CNTNAP5: variants seen among roughly 807,000 people sequenced by gnomAD.
The protein encoded by CNTNAP5 is contactin-associated protein-like 5.
CNTNAP5 carries 72 observed loss-of-function variants against 150.2 expected under a neutral mutation model. That is an observed-to-expected ratio of 0.48 (90% CI 0.40 to 0.58). The LOEUF (loss-of-function observed/expected upper bound fraction) is 0.58, where lower values mean the gene tolerates loss of function less well. Among genes scored for constraint, CNTNAP5 ranks in the 20% least tolerant of loss-of-function variants. CNTNAP5 has a pLI of 0.00. For synonymous variants in CNTNAP5, 672 were observed against 619.8 expected (o/e 1.08, Z -1.25); for missense variants, 1,636 against 1,626.2 (o/e 1.01, Z -0.10).
intron 10 of CNTNAP5, among the ~76,000 whole-genome samples, chr2:124,528,544 A>G (rs1339177493): frequency 6.6e-6 from 1 of 152,196 alleles, no homozygotes. Flanking sequence ...TAATAGTTGA[A>G]TTGGCAATAT....
At chr2:124,361,882 GCAA>G (rs756928597) in intron 3 of CNTNAP5, among the ~76,000 whole-genome samples, 4,894 of 152,086 alleles carry the variant, frequency 0.032, 139 homozygotes, top group Non-Finnish European at 0.042. Context: ...GCAAGCCTGG[GCAA>G]TGGCGGGCGC....
intron 1 of CNTNAP5, among the ~76,000 whole-genome samples, chr2:124,085,589 A>T (rs550119830): frequency 6.6e-6 from 1 of 151,868 alleles, no homozygotes; most frequent in Non-Finnish European, 1.5e-5. Flanking sequence ...TAAGTTCTTG[A>T]GCTTGCAGCT....
chr2:124,493,851 T>C (rs1489021422), intron 7 of CNTNAP5, among the ~76,000 whole-genome samples: 1 of 152,042 alleles, frequency 6.6e-6, no homozygotes, highest in South Asian at 2.1e-4. Flanking sequence ...GAATATTTTT[T>C]CCTGATTAAA....
chr2:124,688,841 C>A (rs1679245368), intron 13 of CNTNAP5, among the ~76,000 whole-genome samples: 1 of 151,972 alleles, frequency 6.6e-6, no homozygotes, highest in African/African-American at 2.4e-5. Flanking sequence ...CGGACAAGGT[C>A]AATTATCTTA....
intron 3 of CNTNAP5, among the ~76,000 whole-genome samples, chr2:124,396,910 G>A (rs1173468320): frequency 6.6e-6 from 1 of 152,122 alleles, no homozygotes; most frequent in Non-Finnish European, 1.5e-5. Flanking sequence ...TTTTTGTCTT[G>A]AACTATGACA....
intron 10 of CNTNAP5, among the ~76,000 whole-genome samples, chr2:124,548,916 G>C (rs10178625): frequency 6.6e-6 from 1 of 152,076 alleles, no homozygotes; most frequent in Non-Finnish European, 1.5e-5. Flanking sequence ...CTAATCTGAC[G>C]CCTGGGCTAT....
intron 13 of CNTNAP5, among the ~76,000 whole-genome samples, chr2:124,732,245 CTT>C (rs1472812953): frequency 6.6e-6 from 1 of 151,990 alleles, no homozygotes; most frequent in African/African-American, 2.4e-5. Flanking sequence ...AGTTGCTCAA[CTT>C]ATTTTATTCC....
intron 21 of CNTNAP5, among the ~76,000 whole-genome samples, chr2:124,887,429 G>A (rs1437533485): frequency 6.6e-6 from 1 of 152,052 alleles, no homozygotes. Flanking sequence ...GACCAGTCAT[G>A]CTAGTCTACT....
chr2:124,367,618 T>C (rs1690410489), intron 3 of CNTNAP5, among the ~76,000 whole-genome samples: 2 of 152,284 alleles, frequency 1.3e-5, no homozygotes, highest in South Asian at 2.1e-4. Context: ...TGTGACACCA[T>C]GTAAGTTACT....
At chr2:124,893,197 G>A (rs1476940362) in intron 21 of CNTNAP5, among the ~76,000 whole-genome samples, 1 of 152,052 alleles carries the variant, frequency 6.6e-6, no homozygotes, top group Non-Finnish European at 1.5e-5. Context: ...GCCACTTTCT[G>A]GCTGCTATTT....
At chr2:124,226,562 T>A (rs1573850568) in intron 2 of CNTNAP5, among the ~76,000 whole-genome samples, 1 of 152,272 alleles carries the variant, frequency 6.6e-6, no homozygotes, top group Middle Eastern at 3.4e-3. Flanking sequence ...TGCCTTTTAA[T>A]TTTTTTAATT....
rs559848294 is a variant in CNTNAP5 at position 124,859,441 on chromosome 2, A to C, written c.3218-5865A>C. ...CTGGAGAGGATGTGGAGAAATAGGA[A>C]CACTTTTACACTGTTGGTGGGACTA... On this transcript the variant is annotated intron_variant, in intron 19 of 23. Coordinates refer to ENST00000682447, the MANE Select transcript of CNTNAP5 (RefSeq NM_001367498.1). 2.7e-3 allele frequency among the ~76,000 whole-genome samples: 404 copies of C among 152,324 alleles called. 1 individual carries two copies. Among genetic ancestry groups the C allele is most frequent in the Non-Finnish European group, 3.0e-3 (205 of 68,038 alleles).
Position 124,434,524 on chromosome 2 carries a change from G to T in CNTNAP5, c.570G>T (p.Leu190=), listed in dbSNP as rs775204309. ...VADFDGRSSL[L]YRFNQKLMST... ...ACTTTGATGGCCGAAGCTCACTTCT[G>T]TACAGGTTCAATCAGAAGTTGATGA... The change falls in exon 5 of 24, where the codon CTG becomes CTT. Residue 190 remains leucine (L), a synonymous_variant. Transcript: ENST00000682447. 1.9e-6 allele frequency: 3 copies of T among 1,613,960 alleles called. No individual in the cohort carries two copies. Among genetic ancestry groups the T allele is most frequent in the South Asian group, 1.1e-5 (1 of 91,088 alleles).
intron 3 of CNTNAP5, among the ~76,000 whole-genome samples, chr2:124,413,791 T>G (rs1334769078): frequency 2.0e-5 from 2 of 99,564 alleles, no homozygotes; most frequent in Admixed American, 1.2e-4. Context: ...AGATGACGAG[T>G]TAGTGGGTGC....
chr2:124,623,508 A>G (rs1056931672), intron 12 of CNTNAP5, among the ~76,000 whole-genome samples: 1 of 152,236 alleles, frequency 6.6e-6, no homozygotes, highest in Non-Finnish European at 1.5e-5. Context: ...TTGTGGGGAC[A>G]TGAGTAAAAC....
chr2:124,763,041 A>C (rs1422127074), intron 14 of CNTNAP5, among the ~76,000 whole-genome samples: 1 of 152,146 alleles, frequency 6.6e-6, no homozygotes, highest in East Asian at 1.9e-4. Context: ...GAAAATATCC[A>C]ATGGCTTATC....
At chr2:124,593,120 T>G (rs1390723078) in intron 11 of CNTNAP5, among the ~76,000 whole-genome samples, 1 of 118,312 alleles carries the variant, frequency 8.5e-6, no homozygotes. Flanking sequence ...TATTTATTTA[T>G]TTATTTATTA....
intron 7 of CNTNAP5, among the ~76,000 whole-genome samples, chr2:124,495,030 T>G (rs1299440460): frequency 6.6e-6 from 1 of 152,192 alleles, no homozygotes; most frequent in Non-Finnish European, 1.5e-5. Context: ...ATATTAGTCA[T>G]GGTCCTATGC....
intron 13 of CNTNAP5, among the ~76,000 whole-genome samples, chr2:124,734,499 C>T (rs1176451895): frequency 6.6e-6 from 1 of 151,780 alleles, no homozygotes; most frequent in Non-Finnish European, 1.5e-5. Context: ...TGGGGGCTAG[C>T]GAAGAAAGAG....
Sources: gnomAD v4.1 joint callset for allele counts (sites outside exome capture counted in the v4.1 genomes callset) on GRCh38, gnomAD v4.1.1 for gene constraint, MANE v1.5 for transcripts, NCBI Gene and HGNC (gene_info 2026-07-23, HGNC 2026-07-21) for gene names.